The following SLC1A1 variants were observed in gnomAD, a reference collection of about 807,000 sequenced individuals.
SLC1A1 encodes the protein excitatory amino acid transporter 3.
SLC1A1 carries 43 observed loss-of-function variants against 53.3 expected under a neutral mutation model. The ratio of observed to expected loss-of-function variants is 0.81; its 90% CI spans 0.63 to 1.04. SLC1A1 has a LOEUF of 1.04. Ranked by LOEUF, SLC1A1 falls within the 50% of genes least tolerant of loss-of-function variation. The probability of loss-of-function intolerance (pLI) is 0.00; values close to 1 mark genes in which losing one functional copy is unlikely to be tolerated. For missense variants in SLC1A1, 748 were observed against 664.9 expected (o/e 1.12, Z -1.37); for synonymous variants, 307 against 243.2 (o/e 1.26, Z -2.44).
At chr9:4,581,581 G>A (rs181860588) in intron 10 of SLC1A1, among the ~76,000 whole-genome samples, 88 of 152,280 alleles carry the variant, frequency 5.8e-4, no homozygotes, top group Non-Finnish European at 1.2e-3. Context: ...CAGCTGGCAT[G>A]GACACAAATC....
At position 4,544,555 on chromosome 9, in the gene SLC1A1, T is replaced by C. The variant is rs1287886741; in HGVS notation, c.92-12T>C. The C allele has an allele frequency of 6.2e-7, 1 of 1,612,660 alleles. No individual in the cohort carries two copies. Among genetic ancestry groups the C allele is most frequent in the South Asian group, 1.1e-5 (1 of 91,060 alleles). ...GTTCCTCTTCCTTCTTTCCAACTCT[T>C]GTTTTCCTTAGGCATTACCACAGGA... is the stretch of plus-strand genomic sequence containing the variant. On this transcript the variant is annotated splice_polypyrimidine_tract_variant and intron_variant, in intron 1 of 11. Transcript: ENST00000262352.
At chr9:4,491,316 T>C (rs1048175034) in intron 1 of SLC1A1, among the ~76,000 whole-genome samples, 4 of 152,106 alleles carry the variant, frequency 2.6e-5, no homozygotes, top group Admixed American at 2.6e-4. Context: ...AAAGGTGCCT[T>C]CCCACGCGGC....
At position 4,558,725 on chromosome 9, in the gene SLC1A1, G is replaced by C. The variant is rs568557497; in HGVS notation, c.233-2724G>C. ...TCACTGCTGGAAGAAAATCCTGAGA[G>C]AGTACCAAACACATCCCCGAGAACA... On this transcript the variant is annotated intron_variant, in intron 2 of 11. Transcript: ENST00000262352. Among the ~76,000 whole-genome samples the C allele has an allele frequency of 2.0e-5, 3 of 152,236 alleles. No individual in the cohort carries two copies. The South Asian group carries it at 6.2e-4, about 32-fold the overall frequency.
intron 10 of SLC1A1, among the ~76,000 whole-genome samples, chr9:4,580,400 G>T: frequency 6.6e-6 from 1 of 152,000 alleles, no homozygotes; most frequent in East Asian, 1.9e-4. Context: ...GAGCAACAAG[G>T]CGAGGCCCCG....
At chr9:4,567,957 C>T (rs932439740) in intron 6 of SLC1A1, among the ~76,000 whole-genome samples, 190 bp downstream of exon 6, 7 of 152,124 alleles carry the variant, frequency 4.6e-5, no homozygotes, top group Non-Finnish European at 1.0e-4. Context: ...ACACAAAGAG[C>T]GGCAAAATAT....
chr9:4,566,707 T>A (rs301969), intron 5 of SLC1A1, among the ~76,000 whole-genome samples: 115,749 of 151,034 alleles, frequency 0.77, 45,216 homozygotes, highest in African/African-American at 0.94. Flanking sequence ...TAAAAAAAAA[T>A]ATAAAAAATC....
chr9:4,528,666 T>C (rs1245061529), intron 1 of SLC1A1, among the ~76,000 whole-genome samples: 1 of 152,170 alleles, frequency 6.6e-6, no homozygotes, highest in Non-Finnish European at 1.5e-5. Flanking sequence ...TAAAATTGGT[T>C]GAGGATCTAA....
At position 4,572,404 on chromosome 9, in the gene SLC1A1, T is replaced by G. The variant is rs1214094284; in HGVS notation, c.767+16T>G. On this transcript the variant is annotated intron_variant, in intron 7 of 11. Coordinates refer to ENST00000262352, the MANE Select transcript of SLC1A1 (RefSeq NM_004170.6). ...TCATCATGTGGTGAGCAGACACTGT[T>G]TAATGTCATTTTGCTTCCCCTGACA... 3 of 1,608,274 alleles carry G rather than the reference T, an allele frequency of 1.9e-6. No homozygotes were observed. The African/African-American group carries it at 4.0e-5, about 21-fold the overall frequency.
At chr9:4,505,449 T>C (rs1820773550) in intron 1 of SLC1A1, among the ~76,000 whole-genome samples, 1 of 152,280 alleles carries the variant, frequency 6.6e-6, no homozygotes, top group Non-Finnish European at 1.5e-5. Flanking sequence ...GTTACCAGTA[T>C]AATGTTTTAT....
chr9:4,498,283 T>C (rs1328580310), intron 1 of SLC1A1, among the ~76,000 whole-genome samples: 2 of 152,166 alleles, frequency 1.3e-5, no homozygotes, highest in East Asian at 3.8e-4. Context: ...ATCATGTAAA[T>C]TGTATATGGG....
At chr9:4,584,715 A>C (rs1821429265) in intron 11 of SLC1A1, among the ~76,000 whole-genome samples, 2 of 152,124 alleles carry the variant, frequency 1.3e-5, no homozygotes, top group Non-Finnish European at 2.9e-5. Flanking sequence ...TCTGGAAATT[A>C]AGACTGGATG....
chr9:4,494,308 TTC>T (rs1451814055), intron 1 of SLC1A1, among the ~76,000 whole-genome samples: 2 of 147,262 alleles, frequency 1.4e-5, no homozygotes, highest in African/African-American at 2.4e-5. Flanking sequence ...TACTTATTAC[TTC>T]GTTTGTTATT....
chr9:4,499,415 G>A (rs74356963), intron 1 of SLC1A1, among the ~76,000 whole-genome samples: 5,139 of 152,160 alleles, frequency 0.034, 139 homozygotes, highest in South Asian at 0.06. Flanking sequence ...TTCTGGCCTC[G>A]CCAAAGTTCT....
intron 1 of SLC1A1, among the ~76,000 whole-genome samples, chr9:4,498,779 G>A (rs1032759134): frequency 6.6e-6 from 1 of 150,602 alleles, no homozygotes. Flanking sequence ...TTTGGGAGTT[G>A]CTAGTGAGTT....
intron 6 of SLC1A1, among the ~76,000 whole-genome samples, chr9:4,569,698 G>A (rs937252324): frequency 3.3e-5 from 5 of 152,202 alleles, no homozygotes; most frequent in Admixed American, 6.5e-5. Flanking sequence ...TCCTCTGGCT[G>A]AGTTCAGAGG....
At chr9:4,568,010 G>A (rs1819650196) in intron 6 of SLC1A1, among the ~76,000 whole-genome samples, 1 of 152,162 alleles carries the variant, frequency 6.6e-6, no homozygotes, top group African/African-American at 2.4e-5. Flanking sequence ...GGTGAAAAAG[G>A]CTGTGCTCTG....
rs577194690 is a variant in SLC1A1, at chr9:4,537,099, C to T, written c.92-7468C>T. ...AGGAGATATACCTAATGTTAAATGA[C>T]GAGTTGATGGGTGCAGCACACAAAC... On this transcript the variant is annotated intron_variant, in intron 1 of 11. Transcript: ENST00000262352. Among the ~76,000 whole-genome samples the T allele has an allele frequency of 2.0e-3, 310 of 151,800 alleles. 3 individuals carry two copies. The highest frequency in any genetic ancestry group is 6.6e-3 in the African/African-American group (273 of 41,370).
chr9:4,547,711 T>A (rs1397314353), intron 2 of SLC1A1, among the ~76,000 whole-genome samples: 1 of 150,816 alleles, frequency 6.6e-6, no homozygotes, highest in Admixed American at 6.6e-5. Context: ...ACAAGGATAT[T>A]CATGGTAGCA....
chr9:4,524,222 C>G (rs1285165516), intron 1 of SLC1A1, among the ~76,000 whole-genome samples: 4 of 152,112 alleles, frequency 2.6e-5, no homozygotes, highest in African/African-American at 9.7e-5. Flanking sequence ...TTGTGGAACT[C>G]TCAATTTTAA....
Sources: gnomAD v4.1 joint callset for allele counts (sites outside exome capture counted in the v4.1 genomes callset) on GRCh38, gnomAD v4.1.1 for gene constraint, MANE v1.5 for transcripts, NCBI Gene and HGNC (gene_info 2026-07-23, HGNC 2026-07-21) for gene names.